RBFOX1: variants seen among roughly 807,000 people sequenced by gnomAD.
The protein encoded by RBFOX1 is RNA binding protein fox-1 homolog 1.
Under a neutral mutation model 57.7 loss-of-function variants are expected in RBFOX1, and 8 were observed. That is an observed-to-expected ratio of 0.14 (90% CI 0.08 to 0.25). The LOEUF is 0.25. RBFOX1 is among the 10% of genes least tolerant of loss of function. The pLI, the probability that RBFOX1 is intolerant of heterozygous loss-of-function variation, is 1.00. For synonymous variants in RBFOX1, 326 were observed against 222.4 expected (o/e 1.47, Z -4.15); for missense variants, 611 against 548.5 (o/e 1.11, Z -1.14).
At chr16:5,723,920 T>G (rs1194863538) in intron 3 of RBFOX1, among the ~76,000 whole-genome samples, 2 of 152,240 alleles carry the variant, frequency 1.3e-5, no homozygotes, top group African/African-American at 4.8e-5. Flanking sequence ...GTCAAGAAGA[T>G]GTTTCACATT....
At chr16:5,808,252 G>A (rs1311457096) in intron 3 of RBFOX1, among the ~76,000 whole-genome samples, 1 of 152,164 alleles carries the variant, frequency 6.6e-6, no homozygotes, top group African/African-American at 2.4e-5. Context: ...TATTTCTGAG[G>A]GCTGTGTTCT....
At chr16:6,633,341 G>C (rs566139365) in intron 2 of RBFOX1, among the ~76,000 whole-genome samples, 2 of 152,096 alleles carry the variant, frequency 1.3e-5, no homozygotes, top group East Asian at 3.9e-4. Context: ...GCAGCGGCAC[G>C]ATCTTGGCTC....
intron 2 of RBFOX1, among the ~76,000 whole-genome samples, chr16:6,441,544 G>A (rs980913908): frequency 2.0e-5 from 3 of 152,054 alleles, no homozygotes; most frequent in Non-Finnish European, 2.9e-5. Context: ...AGCCTCCCAA[G>A]TAGTTGGGAT....
At chr16:7,474,975 A>T (rs2062342468) in intron 4 of RBFOX1, among the ~76,000 whole-genome samples, 1 of 152,082 alleles carries the variant, frequency 6.6e-6, no homozygotes, top group Non-Finnish European at 1.5e-5. Context: ...TTTCCCTTTG[A>T]TTTTTGAATG....
At chr16:5,464,106 CT>C (rs2068880842) in intron 1 of RBFOX1, among the ~76,000 whole-genome samples, 1 of 152,176 alleles carries the variant, frequency 6.6e-6, no homozygotes, top group African/African-American at 2.4e-5. Context: ...ACGGGGATGC[CT>C]TCTGGGTGCC....
chr16:6,758,234 A>G (rs962255042), intron 3 of RBFOX1, among the ~76,000 whole-genome samples: 12 of 152,100 alleles, frequency 7.9e-5, no homozygotes, highest in Non-Finnish European at 7.4e-5. Context: ...TTGGGAAGCT[A>G]CTATCAGAAT....
intron 4 of RBFOX1, among the ~76,000 whole-genome samples, chr16:7,308,398 T>C (rs376012979): frequency 6.6e-6 from 1 of 151,494 alleles, no homozygotes; most frequent in Non-Finnish European, 1.5e-5. Context: ...CTCAGTACTA[T>C]TCTAAGAAAG....
intron 1 of RBFOX1, among the ~76,000 whole-genome samples, chr16:6,306,858 C>A (rs1268897367): frequency 6.6e-6 from 1 of 152,216 alleles, no homozygotes. Context: ...CCCCAAAACT[C>A]CCCCATTTAA....
At position 6,388,788 on chromosome 16, in the gene RBFOX1, G is replaced by T. The variant is rs186538068; in HGVS notation, c.-64+71731G>T. ...AAATTCCATCACTTGTGGCAATATGGAAGAACCTGGAGGACATTCGGCTAA... is the reference window on the plus strand; with the variant it reads ...AAATTCCATCACTTGTGGCAATATGTAAGAACCTGGAGGACATTCGGCTAA... On this transcript the variant is annotated intron_variant, in intron 2 of 15. Transcript: ENST00000550418. Among the ~76,000 whole-genome samples the T allele has an allele frequency of 3.8e-3, 580 of 152,284 alleles. 1 individual carries two copies. Among genetic ancestry groups the T allele is most frequent in the Non-Finnish European group, 6.4e-3 (438 of 68,028 alleles).
chr16:7,115,167 T>C (rs1292000100), intron 4 of RBFOX1, among the ~76,000 whole-genome samples: 1 of 152,206 alleles, frequency 6.6e-6, no homozygotes, highest in African/African-American at 2.4e-5. Context: ...GGTGCAACTT[T>C]TATAAAGAAA....
intron 10 of RBFOX1, among the ~76,000 whole-genome samples, chr16:7,624,127 G>A (rs941104649): frequency 1.3e-5 from 2 of 152,254 alleles, no homozygotes; most frequent in East Asian, 1.9e-4. Context: ...CCTTTGTAAT[G>A]CCAGTAAAGG....
At chr16:6,730,167 T>C (rs1427944108) in intron 3 of RBFOX1, among the ~76,000 whole-genome samples, 1 of 152,138 alleles carries the variant, frequency 6.6e-6, no homozygotes, top group Non-Finnish European at 1.5e-5. Flanking sequence ...TAAATAATTA[T>C]AACTCTTTAC....
At chr16:6,268,124 T>A (rs1384717507) in intron 1 of RBFOX1, among the ~76,000 whole-genome samples, 2 of 152,188 alleles carry the variant, frequency 1.3e-5, no homozygotes, top group African/African-American at 4.8e-5. Context: ...TTAAAATGCA[T>A]GAGTTGAGGG....
intron 3 of RBFOX1, among the ~76,000 whole-genome samples, chr16:5,829,462 G>A (rs2056188883): frequency 6.6e-6 from 1 of 152,206 alleles, no homozygotes; most frequent in Non-Finnish European, 1.5e-5. Context: ...GACCAGGGTG[G>A]TGGCATGAAG....
intron 2 of RBFOX1, among the ~76,000 whole-genome samples, chr16:6,543,444 G>A (rs886636752): frequency 6.6e-6 from 1 of 152,126 alleles, no homozygotes; most frequent in Non-Finnish European, 1.5e-5. Flanking sequence ...TGCTTGCAGA[G>A]GCATTTTCTT....
Position 7,235,143 on chromosome 16 carries a change from A to G in RBFOX1, c.27+183045A>G, listed in dbSNP as rs139034446. On this transcript the variant is annotated intron_variant, in intron 4 of 15. Coordinates refer to ENST00000550418, the MANE Select transcript of RBFOX1 (RefSeq NM_018723.4). ...AAATCTACACATCGGTAGTAGTCACACTAATAATAAACATTCATTTGGCAT... is the reference window on the plus strand; with the variant it reads ...AAATCTACACATCGGTAGTAGTCACGCTAATAATAAACATTCATTTGGCAT... Among the ~76,000 whole-genome samples, 608 of 152,364 alleles carry G rather than the reference A, an allele frequency of 4.0e-3. 6 individuals carry two copies. Among genetic ancestry groups the G allele is most frequent in the African/African-American group, 0.014 (575 of 41,592 alleles).
chr16:7,214,000 A>C (rs2152804599), intron 4 of RBFOX1, among the ~76,000 whole-genome samples: 1 of 152,118 alleles, frequency 6.6e-6, no homozygotes, highest in South Asian at 2.1e-4. Context: ...GTCCTGATGG[A>C]GCAGGTGGGA....
At chr16:5,964,694 T>C (rs2059810534) in intron 4 of RBFOX1, among the ~76,000 whole-genome samples, 1 of 152,100 alleles carries the variant, frequency 6.6e-6, no homozygotes, top group South Asian at 2.1e-4. Context: ...TGTGTATATA[T>C]ATGTACATAT....
At chr16:6,859,140 C>T (rs8062087) in intron 3 of RBFOX1, among the ~76,000 whole-genome samples, 1,985 of 91,216 alleles carry the variant, frequency 0.022, 67 homozygotes, top group Admixed American at 0.045. Context: ...CATATATATA[C>T]GTATATATAT....
Sources: gnomAD v4.1 joint callset for allele counts (sites outside exome capture counted in the v4.1 genomes callset) on GRCh38, gnomAD v4.1.1 for gene constraint, MANE v1.5 for transcripts, NCBI Gene and HGNC (gene_info 2026-07-23, HGNC 2026-07-21) for gene names.